The following RTN1 variants were observed in gnomAD, a reference collection of about 807,000 sequenced individuals.
The protein encoded by RTN1 is reticulon-1.
RTN1 carries 25 observed loss-of-function variants against 65.5 expected under a neutral mutation model. The observed-to-expected ratio is 0.38, with a 90% CI of 0.28 to 0.53. The LOEUF (loss-of-function observed/expected upper bound fraction) is 0.53, where lower values mean the gene tolerates loss of function less well. RTN1 is among the 20% of genes least tolerant of loss of function. RTN1 has a pLI of 0.79. For missense variants in RTN1, 983 were observed against 1,025.4 expected, an observed-to-expected ratio of 0.96 and a Z score of 0.57; for synonymous variants, 471 against 447.6, an observed-to-expected ratio of 1.05 and a Z score of -0.66.
intron 2 of RTN1, among the ~76,000 whole-genome samples, chr14:59,743,647 A>C (rs1324046154): frequency 1.3e-5 from 2 of 152,038 alleles, no homozygotes; most frequent in Non-Finnish European, 2.9e-5. Flanking sequence ...TTTACATCTT[A>C]AGTGAAGTTC....
At position 59,846,531 on chromosome 14, in the gene RTN1, C is replaced by T. The variant is rs1342773294; in HGVS notation, c.241+23859G>A. On this transcript the variant is annotated intron_variant, in intron 1 of 8. Transcript: ENST00000267484. This position sits in a 1 kb window ranked among gnomAD's most constrained non-coding sequence, Gnocchi z 4.8. The stretch of plus-strand genomic sequence containing the variant: ...CCAGACACCCTTCTGTTCAGTGTTT[C>T]TCAGTGGTTACCAAGTAAGCATAAT... Among the ~76,000 whole-genome samples the T allele has an allele frequency of 6.6e-6, 1 of 152,122 alleles. No individual in the cohort carries two copies. Among genetic ancestry groups the T allele is most frequent in the Non-Finnish European group, 1.5e-5 (1 of 68,028 alleles).
At chr14:59,644,135 G>C (rs967541815) in intron 3 of RTN1, among the ~76,000 whole-genome samples, 3 of 152,140 alleles carry the variant, frequency 2.0e-5, no homozygotes, top group Admixed American at 1.3e-4. Context: ...TTTTAAAGAT[G>C]GGCAACTAGA....
chr14:59,785,640 G>A (rs939928890), intron 1 of RTN1, among the ~76,000 whole-genome samples: 1 of 152,156 alleles, frequency 6.6e-6, no homozygotes, highest in East Asian at 1.9e-4. Context: ...CACCCTCTAT[G>A]CCATAACTAT....
In RTN1 at chr14:59,745,812, T is replaced by G; in HGVS notation, c.911A>C (p.Gln304Pro). 1 of 1,614,070 alleles carries G rather than the reference T, an allele frequency of 6.2e-7. No homozygotes were observed. The highest frequency in any genetic ancestry group is 8.5e-7 in the Non-Finnish European group (1 of 1,180,002). Residue 304 changes from glutamine to proline, a missense_variant, in exon 2 of 9, where the codon CAA (glutamine) becomes CCA (proline). Physicochemically the swap from Gln to Pro is moderately conservative, Grantham distance 76. Coordinates refer to ENST00000267484, the MANE Select transcript of RTN1 (RefSeq NM_021136.3). ...AGGACTTGGCTTTAGACATATATCT[T>G]GCTTCTCAGGGGTCTTCTCTTGGGT... ...TTTQEKTPEK[Q>P]DICLKPSPDT...
At chr14:59,704,710 T>A (rs1329723268) in intron 3 of RTN1, among the ~76,000 whole-genome samples, 1 of 151,846 alleles carries the variant, frequency 6.6e-6, no homozygotes, top group Non-Finnish European at 1.5e-5. Context: ...GAGAGAAGGG[T>A]ACGAAAATGG....
At chr14:59,695,803 A>G (rs1441199032) in intron 3 of RTN1, among the ~76,000 whole-genome samples, 1 of 152,058 alleles carries the variant, frequency 6.6e-6, no homozygotes, top group African/African-American at 2.4e-5. Context: ...TGATTATATC[A>G]GCACGATTTT....
chr14:59,596,662 T>C lies in RTN1; in HGVS notation c.*83A>G. ...TACTGGAGGGAGGGGGGAAAGACAA[T>C]CAATTTGCAGTAATGAGTAAGAAGA... On this transcript the variant is annotated 3_prime_UTR_variant, in exon 9 of 9. Coordinates refer to ENST00000267484, the MANE Select transcript of RTN1 (RefSeq NM_021136.3). 9.5e-7 allele frequency: 1 copy of C among 1,055,314 alleles called. No individual in the cohort carries two copies. The highest frequency in any genetic ancestry group is 1.5e-6 in the Non-Finnish European group (1 of 672,038). The allele number at this position is 1,055,314 out of a possible 1,614,324, so 65.4% of individuals were successfully genotyped here.
chr14:59,601,556 G>A (rs1371554089), intron 8 of RTN1, among the ~76,000 whole-genome samples: 7 of 152,068 alleles, frequency 4.6e-5, no homozygotes, highest in Non-Finnish European at 8.8e-5. Context: ...AACATAACAG[G>A]TACTCCTCTT....
At chr14:59,725,595 C>G (rs1884740611) in intron 3 of RTN1, among the ~76,000 whole-genome samples, 1 of 152,220 alleles carries the variant, frequency 6.6e-6, no homozygotes, top group African/African-American at 2.4e-5. Context: ...CCCTATCACA[C>G]ACACTAAATA....
At chr14:59,800,561 T>C (rs1289068212) in intron 1 of RTN1, among the ~76,000 whole-genome samples, 2 of 152,040 alleles carry the variant, frequency 1.3e-5, no homozygotes, top group Non-Finnish European at 2.9e-5. Flanking sequence ...CCACCACGCC[T>C]GGCTAACTTC....
At chr14:59,791,279 T>C (rs945951799) in intron 1 of RTN1, among the ~76,000 whole-genome samples, 2 of 152,166 alleles carry the variant, frequency 1.3e-5, no homozygotes, top group African/African-American at 4.8e-5. Flanking sequence ...GTCAAGACAA[T>C]ATAATTGTTC....
intron 4 of RTN1, chr14:59,606,074 T>C (rs533881186): frequency 1.4e-5 from 2 of 141,608 alleles, no homozygotes; most frequent in South Asian, 4.4e-4. Context: ...TTCAAATGGT[T>C]AAATTTAATT....
chr14:59,870,584 C>T lies in RTN1; in HGVS notation c.47G>A (p.Gly16Asp), dbSNP rs770077906. 1.4e-6 allele frequency: 2 copies of T among 1,448,554 alleles called. No individual in the cohort carries two copies. Among genetic ancestry groups the T allele is most frequent in the Non-Finnish European group, 1.8e-6 (2 of 1,105,456 alleles). 89.7% of individuals were successfully genotyped at this position (1,448,554 alleles called of 1,614,324 possible). The change falls in exon 1 of 9, where the codon GGC (glycine) becomes GAC (aspartate). Residue 16 changes from glycine to aspartate, a missense_variant. Physicochemically the swap from Gly to Asp is moderately conservative, Grantham distance 94. Transcript: ENST00000267484. The surrounding 1 kb of genome is among the most constrained non-coding windows in gnomAD (Gnocchi z 5.1). ...GTGCCTGAGCCACTGGGACCCGGGG[C>T]CGGCCAGCGGCAGCAGCTCGTCCTG... ...DPQDELLPLA[G>D]PGSQWLRHRG...
At chr14:59,820,018 A>G (rs1886911661) in intron 1 of RTN1, among the ~76,000 whole-genome samples, 1 of 152,222 alleles carries the variant, frequency 6.6e-6, no homozygotes. Context: ...CTGAAGGGCT[A>G]CTCAAGCATG....
chr14:59,796,090 T>C (rs1886434010), intron 1 of RTN1, among the ~76,000 whole-genome samples: 1 of 152,186 alleles, frequency 6.6e-6, no homozygotes, highest in South Asian at 2.1e-4. Flanking sequence ...ATGAACCAAA[T>C]ATACAGCAGT....
rs531059591 is a variant in RTN1, at chr14:59,663,095, A to G, written c.1766-55603T>C. 2.8e-3 allele frequency among the ~76,000 whole-genome samples: 419 copies of G among 152,162 alleles called. 1 individual carries two copies. The highest frequency in any genetic ancestry group is 9.9e-3 in the African/African-American group (410 of 41,506). On this transcript the variant is annotated intron_variant, in intron 3 of 8. Transcript: ENST00000267484. ...TATAGACTAATGGAACAGAACAGAG[A>G]ACTCAGAAATAACACCGCACATCTA...
At position 59,748,417 on chromosome 14, in the gene RTN1, C is replaced by T. The variant is rs201809116; in HGVS notation, c.242-1936G>A. Among the ~76,000 whole-genome samples the T allele has an allele frequency of 9.9e-5, 15 of 152,016 alleles. No homozygotes were observed. The East Asian group carries it at 2.9e-3, about 30-fold the overall frequency. On this transcript the variant is annotated intron_variant, in intron 1 of 8. Coordinates refer to ENST00000267484, the MANE Select transcript of RTN1 (RefSeq NM_021136.3). ...TTTCCTTTTCTTGGAACTCTCTTCTCCTAGATACCTATATACCTAATTCTC... is the reference window on the plus strand; with the variant it reads ...TTTCCTTTTCTTGGAACTCTCTTCTTCTAGATACCTATATACCTAATTCTC...
intron 3 of RTN1, among the ~76,000 whole-genome samples, chr14:59,661,102 A>G (rs1466348399): frequency 6.6e-5 from 10 of 152,206 alleles, no homozygotes; most frequent in Admixed American, 1.3e-4. Flanking sequence ...AGAGAATACT[A>G]TAAACACCTC....
chr14:59,665,834 G>A (rs1014314930), intron 3 of RTN1, among the ~76,000 whole-genome samples: 2 of 152,082 alleles, frequency 1.3e-5, no homozygotes, highest in African/African-American at 4.8e-5. Context: ...AAGATCAAAA[G>A]AGACAAAGAA....
Sources: gnomAD v4.1 joint callset for allele counts (sites outside exome capture counted in the v4.1 genomes callset) on GRCh38, gnomAD v4.1.1 for gene constraint, Gnocchi (gnomAD v3.1) non-coding constraint, MANE v1.5 for transcripts, NCBI Gene and HGNC (gene_info 2026-07-23, HGNC 2026-07-21) for gene names.